The following EVI5 variants were observed in gnomAD, a reference collection of about 807,000 sequenced individuals.
EVI5 encodes ecotropic viral integration site 5, also known as ecotropic viral integration site 5 protein homolog.
EVI5 carries 73 observed loss-of-function variants against 112.0 expected under a neutral mutation model. The ratio of observed to expected loss-of-function variants is 0.65; its 90% CI spans 0.54 to 0.79. The LOEUF (loss-of-function observed/expected upper bound fraction) is 0.79, where lower values mean the gene tolerates loss of function less well. Among genes scored for constraint, EVI5 ranks in the 30% least tolerant of loss-of-function variants. The pLI is 0.00. For missense variants in EVI5, 900 were observed against 968.8 expected (o/e 0.93, Z 0.94); for synonymous variants, 305 against 319.9 (o/e 0.95, Z 0.50).
chr1:92,782,312 G>T (rs1338139150), intron 1 of EVI5, among the ~76,000 whole-genome samples: 1 of 150,388 alleles, frequency 6.6e-6, no homozygotes, highest in African/African-American at 2.5e-5. Flanking sequence ...CTCCAGGCAT[G>T]AAAAAAAACA....
chr1:92,587,181 C>T (rs1486447678), intron 18 of EVI5, among the ~76,000 whole-genome samples: 1 of 151,932 alleles, frequency 6.6e-6, no homozygotes, highest in Non-Finnish European at 1.5e-5. Flanking sequence ...TCTCGCAATC[C>T]CTAATGACTA....
At chr1:92,540,666 GT>G (rs1205439450) in intron 19 of EVI5, among the ~76,000 whole-genome samples, 1 of 152,080 alleles carries the variant, frequency 6.6e-6, no homozygotes, top group Non-Finnish European at 1.5e-5. Flanking sequence ...AAGCACAAAA[GT>G]TTTAAATTTT....
intron 19 of EVI5, among the ~76,000 whole-genome samples, chr1:92,561,595 CTATCTAATCTATCCTATCTATCTAT>C (rs1668574532): frequency 6.7e-6 from 1 of 148,866 alleles, no homozygotes; most frequent in Non-Finnish European, 1.5e-5. Flanking sequence ...ATCTATCTAT[CTATCTAATCTATCCTATCTATCTAT>C]CTATCTATCT....
chr1:92,638,538 G>A (rs1659341739), intron 13 of EVI5, among the ~76,000 whole-genome samples: 1 of 152,020 alleles, frequency 6.6e-6, no homozygotes, highest in Admixed American at 6.6e-5. Context: ...GCTAACCACT[G>A]TAGTTTCAAT....
intron 19 of EVI5, among the ~76,000 whole-genome samples, chr1:92,552,622 G>T (rs1325850644): frequency 6.6e-6 from 1 of 152,172 alleles, no homozygotes; most frequent in Non-Finnish European, 1.5e-5. Flanking sequence ...ATCCCTTGAA[G>T]ATATTTATTT....
chr1:92,584,265 C>CT (rs533753468), intron 18 of EVI5, among the ~76,000 whole-genome samples: 69 of 149,396 alleles, frequency 4.6e-4, no homozygotes, highest in African/African-American at 1.0e-3. Flanking sequence ...TTAAATAATG[C>CT]TTTTTTTTTT....
chr1:92,722,820 A>G (rs1674971381), intron 2 of EVI5, among the ~76,000 whole-genome samples: 1 of 152,164 alleles, frequency 6.6e-6, no homozygotes. Context: ...AAATGTAGTA[A>G]ACAAAGGGGT....
intron 1 of EVI5, among the ~76,000 whole-genome samples, chr1:92,779,185 T>C (rs77775639): frequency 8.5e-5 from 13 of 152,174 alleles, no homozygotes; most frequent in Non-Finnish European, 1.2e-4. Flanking sequence ...AATAAGACTA[T>C]ACCAAATAGG....
chr1:92,621,470 C>G (rs994032822), intron 16 of EVI5, among the ~76,000 whole-genome samples: 1 of 152,160 alleles, frequency 6.6e-6, no homozygotes, highest in African/African-American at 2.4e-5. Flanking sequence ...TGCCACCACA[C>G]CTGGATAATT....
intron 16 of EVI5, among the ~76,000 whole-genome samples, chr1:92,609,308 G>A (rs1017566968): frequency 2.6e-5 from 4 of 152,166 alleles, no homozygotes; most frequent in African/African-American, 9.7e-5. Context: ...TTAGATTATG[G>A]GCGAAAAGTT....
intron 19 of EVI5, among the ~76,000 whole-genome samples, chr1:92,556,265 T>C (rs1667669073): frequency 6.6e-6 from 1 of 152,108 alleles, no homozygotes; most frequent in African/African-American, 2.4e-5. Context: ...GGTTTCACCA[T>C]GTTGGCCAGC....
chr1:92,646,128 G>A (rs1660915605), intron 13 of EVI5, among the ~76,000 whole-genome samples: 1 of 152,090 alleles, frequency 6.6e-6, no homozygotes, highest in Non-Finnish European at 1.5e-5. Flanking sequence ...GTTTCTTTGA[G>A]CTTTATATTA....
chr1:92,663,477 A>C, intron 11 of EVI5, 25 bp from the exon 12 acceptor site: 1 of 1,213,422 alleles, frequency 8.2e-7, no homozygotes, highest in Non-Finnish European at 1.1e-6. Flanking sequence ...ATTCAGATAG[A>C]AATATAAGAG....
intron 9 of EVI5, among the ~76,000 whole-genome samples, chr1:92,678,613 G>C (rs1667115876): frequency 6.6e-6 from 1 of 152,072 alleles, no homozygotes; most frequent in South Asian, 2.1e-4. Flanking sequence ...GATTGGAGGA[G>C]AGTAAGCACG....
intron 1 of EVI5, among the ~76,000 whole-genome samples, chr1:92,759,845 AT>A (rs1375543356): frequency 6.9e-6 from 1 of 144,254 alleles, no homozygotes; most frequent in African/African-American, 2.8e-5. Flanking sequence ...ATATTCATAC[AT>A]ATACAAATAC....
intron 7 of EVI5, among the ~76,000 whole-genome samples, 165 bp downstream of exon 7, chr1:92,695,145 G>A (rs1305912029): frequency 1.3e-5 from 2 of 152,184 alleles, no homozygotes; most frequent in African/African-American, 4.8e-5. Context: ...AATAAAAACA[G>A]TATCTACCTG....
At chr1:92,772,987 C>T (rs970642356) in intron 1 of EVI5, among the ~76,000 whole-genome samples, 15 of 149,956 alleles carry the variant, frequency 1.0e-4, no homozygotes, top group Non-Finnish European at 1.6e-4. Flanking sequence ...GTGGGCAGAT[C>T]ACCTGAGGTC....
At chr1:92,709,210 G>A (rs74101329) in intron 2 of EVI5, among the ~76,000 whole-genome samples, 1,898 of 152,290 alleles carry the variant, frequency 0.012, 40 homozygotes, top group African/African-American at 0.043. Flanking sequence ...AATTTTCTGA[G>A]ATGATGGACA....
In EVI5 at chr1:92,729,831, G is replaced by A. The variant is rs375499724; in HGVS notation, c.149+6567C>T. Among the ~76,000 whole-genome samples the A allele has an allele frequency of 6.9e-4, 105 of 152,218 alleles. 2 individuals carry two copies. Among genetic ancestry groups the A allele is most frequent in the African/African-American group, 2.3e-3 (94 of 41,532 alleles). On this transcript the variant is annotated intron_variant, in intron 2 of 19. Transcript: ENST00000684568. ...AATGCAGAACTTGTGGATATGGAGC[G>A]CAGACTGTATCACAAACAAAATTTT... is the stretch of plus-strand genomic sequence containing the variant.
Sources: gnomAD v4.1 joint callset for allele counts (sites outside exome capture counted in the v4.1 genomes callset) on GRCh38, gnomAD v4.1.1 for gene constraint, MANE v1.5 for transcripts, NCBI Gene and HGNC (gene_info 2026-07-23, HGNC 2026-07-21) for gene names.